Variants in KAT2A observed in about 807,000 individuals in gnomAD.
KAT2A encodes the protein histone acetyltransferase KAT2A.
In KAT2A, 42 loss-of-function variants were observed where a neutral mutation model predicts 95.2. The ratio of observed to expected loss-of-function variants is 0.44; its 90% CI spans 0.34 to 0.57. The LOEUF is 0.57. KAT2A is among the 20% of genes least tolerant of loss of function. KAT2A has a pLI of 0.01. For missense variants in KAT2A, 784 were observed against 1,126.3 expected, an observed-to-expected ratio of 0.70 and a Z score of 4.35; for synonymous variants, 449 against 448.2, an observed-to-expected ratio of 1.00 and a Z score of -0.02.
Position 42,119,173 on chromosome 17 carries a change from C to A in KAT2A, c.1073+72G>T. On this transcript the variant is annotated intron_variant, in intron 6 of 17. Coordinates refer to ENST00000225916, the MANE Select transcript of KAT2A (RefSeq NM_021078.3). The surrounding 1 kb of genome is among the most constrained non-coding windows in gnomAD (Gnocchi z 5.3). ...AGGAGGGACCAATCCAGGAAGCCTT[C>A]CTGGAAAAAAGGGGACAACAGGGAG... is the stretch of plus-strand genomic sequence containing the variant. 1 of 1,527,152 alleles carries A rather than the reference C, an allele frequency of 6.5e-7. No individual in the cohort carries two copies. The highest frequency in any genetic ancestry group is 8.8e-7 in the Non-Finnish European group (1 of 1,135,402). 94.6% of individuals were successfully genotyped at this position (1,527,152 alleles called of 1,614,324 possible).
Position 42,119,820 on chromosome 17 carries a change from C to T in KAT2A, c.700-102G>A. On this transcript the variant is annotated intron_variant, in intron 4 of 17. Transcript: ENST00000225916. The surrounding 1 kb of genome is among the most constrained non-coding windows in gnomAD (Gnocchi z 5.3). The stretch of plus-strand genomic sequence containing the variant: ...ATGCTCCCTGGCCAGGGACAAGGTT[C>T]TCCTTCTCCTCTCTCTCTCGGGTGC... 4 of 1,078,308 alleles carry T rather than the reference C, an allele frequency of 3.7e-6. No homozygotes were observed. The South Asian group carries it at 6.3e-5, about 17-fold the overall frequency. The allele number at this position is 1,078,308 out of a possible 1,614,324, so 66.8% of individuals were successfully genotyped here. A position where few individuals can be genotyped will look rare whatever the true frequency, so the allele number is the denominator to read the frequency against.
chr17:42,116,989 A>AGGAGTGGGCCGT, intron 11 of KAT2A, 46 bp downstream of exon 11: 1 of 1,607,972 alleles, frequency 6.2e-7, no homozygotes, highest in African/African-American at 1.3e-5. Flanking sequence ...GCCCAAACTC[A>AGGAGTGGGCCGT]GGAGTGGGCC....
Position 42,119,764 on chromosome 17 carries a change from C to A in KAT2A, c.700-46G>T. On this transcript the variant is annotated intron_variant, in intron 4 of 17. Transcript: ENST00000225916. This position sits in a 1 kb window ranked among gnomAD's most constrained non-coding sequence, Gnocchi z 5.3. ...GATAAAACCAGGAATGAGGTGTGAG[C>A]AGCCCGCAGGGCCTTCTTAGACAAA... 2 of 1,507,228 alleles carry A rather than the reference C, an allele frequency of 1.3e-6. No homozygotes were observed. 93.4% of individuals were successfully genotyped at this position (1,507,228 alleles called of 1,614,324 possible). A position where few individuals can be genotyped will look rare whatever the true frequency, so the allele number is the denominator to read the frequency against.
At position 42,116,972 on chromosome 17, in the gene KAT2A, C is replaced by T. The variant is rs960976505; in HGVS notation, c.1764+63G>A. 6.3e-6 allele frequency: 10 copies of T among 1,595,776 alleles called. No homozygotes were observed. In the Admixed American group the frequency reaches 8.4e-5, roughly 13 times the overall value. ...CTGCATGCCACACATCCTGCTGCTC[C>T]GAACTGGCCCAAACTCAGGAGTGGG... On this transcript the variant is annotated intron_variant, in intron 11 of 17. Transcript: ENST00000225916.
Position 42,120,951 on chromosome 17 carries a change from A to G in KAT2A, c.339+15T>C. 1 of 1,016,634 alleles carries G rather than the reference A, an allele frequency of 9.8e-7. No individual in the cohort carries two copies. Among genetic ancestry groups the G allele is most frequent in the Non-Finnish European group, 1.4e-6 (1 of 704,708 alleles). The allele number at this position is 1,016,634 out of a possible 1,614,324, so 63.0% of individuals were successfully genotyped here. On this transcript the variant is annotated intron_variant, in intron 1 of 17. Transcript: ENST00000225916. The stretch of plus-strand genomic sequence containing the variant: ...GCCCCAAGCCCCGCCCCTTCACCCC[A>G]GGCCCCGCCCCCACCTTGCAAGCCG...
Position 42,120,386 on chromosome 17 carries a change from CAG to C in KAT2A, c.464-18_464-17del. On this transcript the variant is annotated splice_polypyrimidine_tract_variant and intron_variant, in intron 2 of 17. Coordinates refer to ENST00000225916, the MANE Select transcript of KAT2A (RefSeq NM_021078.3). ...ACGTGGTCAGCTGCAAGACAGATGG[CAG>C]AGTTAGGAAAAATTGATAGAAGAAA... 1.2e-6 allele frequency: 2 copies of C among 1,613,826 alleles called. No homozygotes were observed. Among genetic ancestry groups the C allele is most frequent in the African/African-American group, 1.3e-5 (1 of 75,014 alleles).
rs1159057649 is a variant in KAT2A, at chr17:42,120,066, C to T, written c.663G>A (p.Leu221=). 3 of 1,613,992 alleles carry T rather than the reference C, an allele frequency of 1.9e-6. No homozygotes were observed. The highest frequency in any genetic ancestry group is 2.5e-6 in the Non-Finnish European group (3 of 1,179,978). ...TAGGTTTCTCAAATGGAGGGCTGCC[C>T]AGGGACCCCTCCACCACAGGCCGGG... ...QMTRPVVEGS[L]GSPPFEKPNI... Residue 221 remains leucine, a synonymous_variant, in exon 4 of 18, where the codon CTG becomes CTA. Coordinates refer to ENST00000225916, the MANE Select transcript of KAT2A (RefSeq NM_021078.3).
In KAT2A at chr17:42,118,027, G is replaced by A. The variant is rs782490302; in HGVS notation, c.1181-10C>T. ...GCTGCACTGACTGAAGCTGAGGAGA[G>A]AGAGAGACGTCAGGGATGGGGGGCT... is the stretch of plus-strand genomic sequence containing the variant. On this transcript the variant is annotated splice_polypyrimidine_tract_variant and intron_variant, in intron 7 of 17. Coordinates refer to ENST00000225916, the MANE Select transcript of KAT2A (RefSeq NM_021078.3). 208 of 1,431,854 alleles carry A rather than the reference G, an allele frequency of 1.5e-4. No individual in the cohort carries two copies. Among genetic ancestry groups the A allele is most frequent in the Non-Finnish European group, 1.8e-4 (195 of 1,057,932 alleles). The allele number at this position is 1,431,854 out of a possible 1,614,324, so 88.7% of individuals were successfully genotyped here. A position where few individuals can be genotyped will look rare whatever the true frequency, so the allele number is the denominator to read the frequency against.
chr17:42,115,009 G>A lies in KAT2A; in HGVS notation c.1902C>T (p.Pro634=). 1.9e-6 allele frequency: 3 copies of A among 1,613,894 alleles called. No individual in the cohort carries two copies. Among genetic ancestry groups the A allele is most frequent in the Non-Finnish European group, 1.7e-6 (2 of 1,179,952 alleles). Reference sequence around the variant, plus strand: ...TGATGTAGCCCAGGTAGCGGCTCTTGGGCACCTTGATGTCCTTGGAGAAAC... The same window carrying A: ...TGATGTAGCCCAGGTAGCGGCTCTTAGGCACCTTGATGTCCTTGGAGAAAC... ...KQGFSKDIKV[P]KSRYLGYIKD... Residue 634 remains proline (P), a synonymous_variant, in exon 13 of 18, where the codon CCC becomes CCT. Transcript: ENST00000225916.
Position 42,114,736 on chromosome 17 carries a change from C to A in KAT2A, c.2020-132G>T. On this transcript the variant is annotated intron_variant, in intron 13 of 17. Transcript: ENST00000225916. The surrounding 1 kb of genome is among the most constrained non-coding windows in gnomAD (Gnocchi z 6.0). ...AATCCAGCACCTCCCCTCATAACTT[C>A]CCCAAGGGAGCAGAGCAAGAGCCAA... 1 of 1,173,988 alleles carries A rather than the reference C, an allele frequency of 8.5e-7. No homozygotes were observed. Among genetic ancestry groups the A allele is most frequent in the East Asian group, 2.4e-5 (1 of 42,054 alleles). The allele number at this position is 1,173,988 out of a possible 1,614,324, so 72.7% of individuals were successfully genotyped here.
intron 12 of KAT2A, 159 bp downstream of exon 12, chr17:42,115,564 A>G (rs906682488): frequency 1.9e-5 from 12 of 621,156 alleles, no homozygotes; most frequent in African/African-American, 1.8e-4. Flanking sequence ...CCCTGGGGCA[A>G]TGGCAGCAGA....
chr17:42,121,365 A>T lies in KAT2A; in HGVS notation c.-61T>A. 1 of 1,346,482 alleles carries T rather than the reference A, an allele frequency of 7.4e-7. No homozygotes were observed. Among genetic ancestry groups the T allele is most frequent in the Non-Finnish European group, 9.5e-7 (1 of 1,055,506 alleles). 83.4% of individuals were successfully genotyped at this position (1,346,482 alleles called of 1,614,324 possible). A position where few individuals can be genotyped will look rare whatever the true frequency, so the allele number is the denominator to read the frequency against. ...CAGCCCTAGGGCCGCATGGGCAACC[A>T]GCGCTCAGTGCGCAGGCGTTGCTGC... On this transcript the variant is annotated 5_prime_UTR_variant, in exon 1 of 18. Coordinates refer to ENST00000225916, the MANE Select transcript of KAT2A (RefSeq NM_021078.3).
chr17:42,118,219 G>C, intron 7 of KAT2A, 78 bp downstream of exon 7: 1 of 1,181,086 alleles, frequency 8.5e-7, no homozygotes, highest in East Asian at 2.3e-5. Flanking sequence ...CTCCGGCCCA[G>C]GTGAGCTCTC....
intron 2 of KAT2A, 104 bp from the exon 3 acceptor site, chr17:42,120,474 C>T (rs2054320389): frequency 5.3e-6 from 7 of 1,331,698 alleles, no homozygotes; most frequent in Non-Finnish European, 7.5e-6. Context: ...TTCCTCCAAC[C>T]AGTGTGACCA....
Position 42,114,646 on chromosome 17 carries a change from C to A in KAT2A, c.2020-42G>T, listed in dbSNP as rs2054228355. The A allele has an allele frequency of 6.4e-7, 1 of 1,553,124 alleles. No homozygotes were observed. The highest frequency in any genetic ancestry group is 8.8e-7 in the Non-Finnish European group (1 of 1,130,048). ...ACTGAGGGGCCAACTCCAGCCCCAACAACAACCCCTCCCAGGGCCACAGTC... is the reference window on the plus strand; with the variant it reads ...ACTGAGGGGCCAACTCCAGCCCCAAAAACAACCCCTCCCAGGGCCACAGTC... On this transcript the variant is annotated intron_variant, in intron 13 of 17. Coordinates refer to ENST00000225916, the MANE Select transcript of KAT2A (RefSeq NM_021078.3). This position sits in a 1 kb window ranked among gnomAD's most constrained non-coding sequence, Gnocchi z 6.0.
rs1167371553 is a variant in KAT2A, at chr17:42,117,164, AAG to A, written c.1638-5_1638-4del. 2 of 1,613,760 alleles carry A rather than the reference AAG, an allele frequency of 1.2e-6. No homozygotes were observed. The highest frequency in any genetic ancestry group is 1.7e-6 in the Non-Finnish European group (2 of 1,179,962). On this transcript the variant is annotated splice_region_variant and splice_polypyrimidine_tract_variant and intron_variant, in intron 10 of 17. Coordinates refer to ENST00000225916, the MANE Select transcript of KAT2A (RefSeq NM_021078.3). This position sits in a 1 kb window ranked among gnomAD's most constrained non-coding sequence, Gnocchi z 8.9. The stretch of plus-strand genomic sequence containing the variant: ...TCAAGGCCAGAGTCTTGTGCTTCCT[AAG>A]AGAGAGGGGGGCATGTCATAGCCCC...
In KAT2A at chr17:42,119,044, G is replaced by A. The variant is rs2054300156; in HGVS notation, c.1073+201C>T. ...GTCGGGTGGGGGCAGCGTTAGCTTG[G>A]GCTATGTACCTGCCATCCCCAGACT... On this transcript the variant is annotated intron_variant, in intron 6 of 17. Transcript: ENST00000225916. The surrounding 1 kb of genome is among the most constrained non-coding windows in gnomAD (Gnocchi z 5.3). The A allele has an allele frequency of 1.4e-6, 2 of 1,415,948 alleles. No homozygotes were observed. Among genetic ancestry groups the A allele is most frequent in the Non-Finnish European group, 1.8e-6 (2 of 1,086,758 alleles). 87.7% of individuals were successfully genotyped at this position (1,415,948 alleles called of 1,614,324 possible). A position where few individuals can be genotyped will look rare whatever the true frequency, so the allele number is the denominator to read the frequency against.
Position 42,114,287 on chromosome 17 carries a change from G to A in KAT2A, c.2172-5C>T. ...TCGGGGTCCTTCAGCTCCTTCCTGG[G>A]GCGAGAGACACCAAGTCTGAGGCTC... On this transcript the variant is annotated splice_polypyrimidine_tract_variant and splice_region_variant and intron_variant, in intron 15 of 17. Coordinates refer to ENST00000225916, the MANE Select transcript of KAT2A (RefSeq NM_021078.3). This position sits in a 1 kb window ranked among gnomAD's most constrained non-coding sequence, Gnocchi z 6.0. The A allele has an allele frequency of 1.9e-6, 3 of 1,612,484 alleles. No homozygotes were observed. Among genetic ancestry groups the A allele is most frequent in the Non-Finnish European group, 2.5e-6 (3 of 1,178,956 alleles).
chr17:42,120,136 G>C lies in KAT2A; in HGVS notation c.610-17C>G. The C allele has an allele frequency of 2.5e-6, 4 of 1,614,034 alleles. No individual in the cohort carries two copies. The highest frequency in any genetic ancestry group is 3.4e-6 in the Non-Finnish European group (4 of 1,179,876). Reference sequence around the variant, plus strand: ...CCGCAGTAGCTAGAGAGAAGAGGAAGGGGGCATAGAGGGGAGGGGGGCAGA... The same window carrying C: ...CCGCAGTAGCTAGAGAGAAGAGGAACGGGGCATAGAGGGGAGGGGGGCAGA... On this transcript the variant is annotated splice_polypyrimidine_tract_variant and intron_variant, in intron 3 of 17. Coordinates refer to ENST00000225916, the MANE Select transcript of KAT2A (RefSeq NM_021078.3).
Sources: gnomAD v4.1 joint callset for allele counts on GRCh38, gnomAD v4.1.1 for gene constraint, Gnocchi (gnomAD v3.1) non-coding constraint, MANE v1.5 for transcripts, NCBI Gene and HGNC (gene_info 2026-07-23, HGNC 2026-07-21) for gene names.